MYO1B: variants seen among roughly 807,000 people sequenced by gnomAD.
The protein encoded by MYO1B is myosin IB, also known as unconventional myosin-Ib.
In MYO1B, 72 loss-of-function variants were observed where a neutral mutation model predicts 159.7. That is an observed-to-expected ratio of 0.45 (90% confidence interval 0.37 to 0.55). The LOEUF is 0.55. Among genes scored for constraint, MYO1B ranks in the 20% least tolerant of loss-of-function variants. The pLI, the probability that MYO1B is intolerant of heterozygous loss-of-function variation, is 0.00. For synonymous variants in MYO1B, 468 were observed against 473.8 expected, an observed-to-expected ratio of 0.99 and a Z score of 0.16; for missense variants, 1,062 against 1,364.8, an observed-to-expected ratio of 0.78 and a Z score of 3.50.
chr2:191,369,171 A>G (rs150911328), intron 11 of MYO1B, among the ~76,000 whole-genome samples: 2 of 152,286 alleles, frequency 1.3e-5, no homozygotes, highest in Non-Finnish European at 2.9e-5. Flanking sequence ...CCTGATTTTC[A>G]TAACCATCAC....
intron 3 of MYO1B, 104 bp downstream of exon 3, chr2:191,296,330 C>A: frequency 2.7e-6 from 1 of 367,146 alleles, no homozygotes; most frequent in Non-Finnish European, 3.9e-6. Flanking sequence ...ATGTTTTTGT[C>A]AGTTTTTTTT....
At chr2:191,363,949 A>C in intron 10 of MYO1B, 74 bp downstream of exon 10, 2 of 1,581,926 alleles carry the variant, frequency 1.3e-6, no homozygotes, top group Middle Eastern at 1.7e-4. Flanking sequence ...TTAATGTAGA[A>C]AGTAAAATTT....
chr2:191,418,512 A>G (rs1228861780), intron 30 of MYO1B, among the ~76,000 whole-genome samples: 1 of 60,662 alleles, frequency 1.6e-5, no homozygotes, highest in African/African-American at 5.3e-5. Flanking sequence ...TTTTTGAGGC[A>G]GAGTTTCGCT....
intron 3 of MYO1B, among the ~76,000 whole-genome samples, chr2:191,317,771 A>T (rs1690446202): frequency 6.6e-6 from 1 of 152,220 alleles, no homozygotes. Context: ...ACTAGAGTAT[A>T]AAATAGAGCC....
chr2:191,320,743 T>C (rs1690656157), intron 3 of MYO1B, among the ~76,000 whole-genome samples: 2 of 152,220 alleles, frequency 1.3e-5, no homozygotes, highest in South Asian at 4.1e-4. Context: ...AAGGGTACTT[T>C]ATAGACATCC....
intron 1 of MYO1B, among the ~76,000 whole-genome samples, chr2:191,265,775 T>C (rs1395937077): frequency 6.6e-6 from 1 of 152,244 alleles, no homozygotes; most frequent in Non-Finnish European, 1.5e-5. Flanking sequence ...TTTGTGTTTC[T>C]GGATGTAACA....
At chr2:191,330,117 G>T (rs188020212) in intron 4 of MYO1B, 88 bp downstream of exon 4, 449 of 1,132,010 alleles carry the variant, frequency 4.0e-4, no homozygotes, top group Non-Finnish European at 5.4e-4. Flanking sequence ...TCCTTAGCAA[G>T]ATCTGTCGCA....
intron 2 of MYO1B, among the ~76,000 whole-genome samples, chr2:191,284,850 T>TCTTGAACTCCTGGC (rs1286670575): frequency 6.6e-6 from 1 of 152,184 alleles, no homozygotes; most frequent in African/African-American, 2.4e-5. Context: ...GCCAGGCTGG[T>TCTTGAACTCCTGGC]CTTGAACTCC....
chr2:191,354,256 A>AAATAAT (rs71030337), intron 7 of MYO1B, among the ~76,000 whole-genome samples: 3,476 of 143,818 alleles, frequency 0.024, 52 homozygotes, highest in East Asian at 0.032. Flanking sequence ...ACTCCGTCTT[A>AAATAAT]AATAATAATA....
At chr2:191,318,787 A>G (rs554208170) in intron 3 of MYO1B, among the ~76,000 whole-genome samples, 22 of 152,334 alleles carry the variant, frequency 1.4e-4, no homozygotes, top group Admixed American at 1.2e-3. Flanking sequence ...AGTGCTGTGC[A>G]TTTGGATGTG....
chr2:191,385,226 C>T (rs1292965406), intron 15 of MYO1B, among the ~76,000 whole-genome samples: 1 of 152,168 alleles, frequency 6.6e-6, no homozygotes, highest in African/African-American at 2.4e-5. Flanking sequence ...TCTAGATATG[C>T]AACAAATAAA....
At chr2:191,401,589 A>G (rs1214868751) in intron 23 of MYO1B, 1 of 152,260 alleles carries the variant, frequency 6.6e-6, no homozygotes, top group African/African-American at 2.4e-5. Context: ...TTTGCTAAAA[A>G]TGTGTATTCC....
chr2:191,407,470 TGTTA>T (rs1199373264), intron 24 of MYO1B, among the ~76,000 whole-genome samples: 1 of 152,214 alleles, frequency 6.6e-6, no homozygotes, highest in Non-Finnish European at 1.5e-5. Flanking sequence ...TACTGTTATT[TGTTA>T]GACATTAGTA....
intron 3 of MYO1B, among the ~76,000 whole-genome samples, chr2:191,313,592 G>A (rs1201862311): frequency 6.6e-6 from 1 of 151,934 alleles, no homozygotes; most frequent in Non-Finnish European, 1.5e-5. Flanking sequence ...CACCGTGTTA[G>A]CCAGGATGGT....
intron 23 of MYO1B, chr2:191,401,711 G>A (rs181194124): frequency 5.1e-4 from 77 of 152,298 alleles, no homozygotes; most frequent in African/African-American, 1.6e-3. Flanking sequence ...TGCATAAAGA[G>A]CTAATTTGCC....
intron 2 of MYO1B, among the ~76,000 whole-genome samples, chr2:191,294,829 G>A (rs928270119): frequency 7.9e-5 from 12 of 151,836 alleles, no homozygotes; most frequent in African/African-American, 2.7e-4. Context: ...AGTTTTCCTA[G>A]TTGGGAGAAA....
chr2:191,334,386 G>C (rs1042920367), intron 4 of MYO1B, among the ~76,000 whole-genome samples: 1 of 152,082 alleles, frequency 6.6e-6, no homozygotes, highest in Non-Finnish European at 1.5e-5. Context: ...AAACTGAGTG[G>C]AGGTTGCTAG....
Position 191,400,485 on chromosome 2 carries a change from A to G in MYO1B, c.2382+17A>G. The G allele has an allele frequency of 6.2e-7, 1 of 1,613,922 alleles. No homozygotes were observed. The highest frequency in any genetic ancestry group is 1.7e-5 in the Admixed American group (1 of 60,020). ...GGGACCCAGGTAGGCCCGAGACCCC[A>G]AGGAAGGCGGTGGGTCAGCAGTAAC... On this transcript the variant is annotated intron_variant, in intron 22 of 30. Transcript: ENST00000392318.
At chr2:191,253,956 C>T (rs10191823) in intron 1 of MYO1B, among the ~76,000 whole-genome samples, 4,593 of 152,086 alleles carry the variant, frequency 0.03, 216 homozygotes, top group African/African-American at 0.1. Context: ...TCTTTCATAC[C>T]GCTTGTTAGA....
Sources: allele counts gnomAD v4.1 joint callset (sites outside exome capture counted in the v4.1 genomes callset), GRCh38; gene constraint gnomAD v4.1.1; transcripts MANE v1.5; gene names NCBI Gene and HGNC (gene_info 2026-07-23, HGNC 2026-07-21).